TBC1D22A: variants seen among roughly 807,000 people sequenced by gnomAD.
TBC1D22A encodes putative GTPase activator.
A neutral mutation model predicts 60.2 loss-of-function variants in TBC1D22A; 38 were observed. The ratio of observed to expected loss-of-function variants is 0.63; its 90% CI spans 0.49 to 0.83. The LOEUF is 0.83. Among genes scored for constraint, TBC1D22A ranks in the 40% least tolerant of loss-of-function variants. TBC1D22A has a pLI of 0.00. For missense variants in TBC1D22A, 628 were observed against 701.0 expected, an observed-to-expected ratio of 0.90 and a Z score of 1.18; for synonymous variants, 302 against 281.7, an observed-to-expected ratio of 1.07 and a Z score of -0.72.
intron 8 of TBC1D22A, among the ~76,000 whole-genome samples, chr22:46,922,040 CT>C (rs2070787807): frequency 6.6e-6 from 1 of 152,158 alleles, no homozygotes; most frequent in Non-Finnish European, 1.5e-5. Context: ...ACATGTAAGT[CT>C]TTAATCTATC....
At chr22:46,917,039 T>G (rs1418174413) in intron 8 of TBC1D22A, among the ~76,000 whole-genome samples, 1 of 152,218 alleles carries the variant, frequency 6.6e-6, no homozygotes, top group Non-Finnish European at 1.5e-5. Context: ...GCGTGCGTGC[T>G]TGTTCTTGCA....
At chr22:47,150,085 T>C (rs2067443787) in intron 12 of TBC1D22A, among the ~76,000 whole-genome samples, 1 of 151,996 alleles carries the variant, frequency 6.6e-6, no homozygotes, top group Admixed American at 6.6e-5. Flanking sequence ...GTCTATAAAA[T>C]GAGTGGACTG....
chr22:47,086,817 A>G (rs2064712070), intron 11 of TBC1D22A, among the ~76,000 whole-genome samples: 2 of 152,192 alleles, frequency 1.3e-5, no homozygotes, highest in African/African-American at 2.4e-5. Flanking sequence ...ACACTCTAGC[A>G]AGTAGCATAT....
chr22:46,765,803 A>G (rs1188805610), intron 1 of TBC1D22A, among the ~76,000 whole-genome samples: 2 of 131,924 alleles, frequency 1.5e-5, no homozygotes, highest in African/African-American at 2.9e-5. Flanking sequence ...TTTCTGAGAC[A>G]AGAGTCTCTC....
intron 1 of TBC1D22A, among the ~76,000 whole-genome samples, chr22:46,790,650 TA>T (rs796956656): frequency 0.016 from 2,358 of 144,688 alleles, 54 homozygotes; most frequent in African/African-American, 0.042. Context: ...ATGAACAAAA[TA>T]AAAAAAAAAA....
In TBC1D22A at chr22:46,793,654, C is replaced by A; in HGVS notation, c.273C>A (p.Ser91=). The A allele has an allele frequency of 6.2e-7, 1 of 1,613,552 alleles. No individual in the cohort carries two copies. The highest frequency in any genetic ancestry group is 8.5e-7 in the Non-Finnish European group (1 of 1,180,024). ...CCATGGCGGCGGAGAGCCTGAACTC[C>A]GAGGTGGTCATGGAGACGGCCAACC... ...LLAMAAESLN[S]EVVMETANRV... is the part of the protein sequence containing the mutation. Residue 91 remains serine (S), a synonymous_variant, in exon 3 of 13, where the codon TCC becomes TCA. Coordinates refer to ENST00000337137, the MANE Select transcript of TBC1D22A (RefSeq NM_014346.5).
intron 4 of TBC1D22A, among the ~76,000 whole-genome samples, chr22:46,812,942 C>G (rs539814659): frequency 7.2e-5 from 11 of 152,188 alleles, no homozygotes; most frequent in African/African-American, 2.6e-4. Context: ...CGTGTACGGT[C>G]TCTTTCCTGT....
chr22:46,782,615 G>A (rs894539930), intron 1 of TBC1D22A, among the ~76,000 whole-genome samples: 12 of 152,156 alleles, frequency 7.9e-5, no homozygotes, highest in Admixed American at 3.3e-4. Context: ...AGAGAGCAAC[G>A]CTGTACCTGT....
intron 11 of TBC1D22A, among the ~76,000 whole-genome samples, chr22:47,041,668 C>G (rs1292801646): frequency 2.0e-5 from 3 of 152,206 alleles, no homozygotes; most frequent in Admixed American, 2.0e-4. Context: ...AGCTGTGCAT[C>G]CCTGGGCGAG....
chr22:47,133,754 C>G (rs1206415878), intron 12 of TBC1D22A, among the ~76,000 whole-genome samples: 1 of 152,200 alleles, frequency 6.6e-6, no homozygotes, highest in Non-Finnish European at 1.5e-5. Flanking sequence ...TGGTGTGGCC[C>G]TGTGCCTGCG....
chr22:46,812,809 A>G (rs537527637), intron 4 of TBC1D22A, among the ~76,000 whole-genome samples: 4 of 152,346 alleles, frequency 2.6e-5, no homozygotes, highest in South Asian at 4.1e-4. Flanking sequence ...ACGTTTCCTA[A>G]TCCTCGTAAG....
intron 7 of TBC1D22A, among the ~76,000 whole-genome samples, chr22:46,900,566 C>G (rs113891715): frequency 0.016 from 2,420 of 152,322 alleles, 67 homozygotes; most frequent in African/African-American, 0.055. Context: ...CACCCTTGCA[C>G]TTGACAACTG....
chr22:46,829,195 T>G (rs1156654534), intron 4 of TBC1D22A, among the ~76,000 whole-genome samples: 1 of 152,230 alleles, frequency 6.6e-6, no homozygotes, highest in African/African-American at 2.4e-5. Context: ...CAAAATTAAT[T>G]GTGCAGTAAT....
chr22:46,908,246 G>A (rs1001931026), intron 7 of TBC1D22A, among the ~76,000 whole-genome samples: 1 of 152,198 alleles, frequency 6.6e-6, no homozygotes, highest in Non-Finnish European at 1.5e-5. Context: ...GGAGTCGGGG[G>A]AAGGGGCTGG....
intron 12 of TBC1D22A, among the ~76,000 whole-genome samples, chr22:47,146,325 C>A (rs1397440791): frequency 6.6e-6 from 1 of 152,324 alleles, no homozygotes; most frequent in East Asian, 1.9e-4. Context: ...TTGATGAACT[C>A]TCTCTCTCCC....
chr22:47,004,919 CAT>C (rs1228362806), intron 10 of TBC1D22A, among the ~76,000 whole-genome samples: 1 of 151,870 alleles, frequency 6.6e-6, no homozygotes, highest in Non-Finnish European at 1.5e-5. Flanking sequence ...GCCATATACA[CAT>C]ACACCTACAT....
rs1049555309 is a variant in TBC1D22A, at chr22:47,009,828, C to T, written c.1201+12119C>T. Among the ~76,000 whole-genome samples the T allele has an allele frequency of 2.6e-5, 4 of 152,210 alleles. No homozygotes were observed. Among genetic ancestry groups the T allele is most frequent in the African/African-American group, 4.8e-5 (2 of 41,454 alleles). ...AGTCTGAAGGCCTCTGCTTCTCCCACGTTGGACCTTGTTGAGCTGCCAAGG... is the reference window on the plus strand; with the variant it reads ...AGTCTGAAGGCCTCTGCTTCTCCCATGTTGGACCTTGTTGAGCTGCCAAGG... On this transcript the variant is annotated intron_variant, in intron 10 of 12. Transcript: ENST00000337137. The surrounding 1 kb of genome is among the most constrained non-coding windows in gnomAD (Gnocchi z 5.8).
At chr22:47,012,345 A>G (rs1297456146) in intron 10 of TBC1D22A, among the ~76,000 whole-genome samples, 1 of 152,136 alleles carries the variant, frequency 6.6e-6, no homozygotes, top group East Asian at 1.9e-4. Context: ...CCCCTGAGCC[A>G]TTAAAACCCA....
At chr22:46,841,882 G>A (rs1203865127) in intron 4 of TBC1D22A, among the ~76,000 whole-genome samples, 1 of 152,190 alleles carries the variant, frequency 6.6e-6, no homozygotes, top group Admixed American at 6.5e-5. Flanking sequence ...GTGAGGTGAA[G>A]GATATAATTA....
Sources: gnomAD v4.1 joint callset for allele counts (sites outside exome capture counted in the v4.1 genomes callset) on GRCh38, gnomAD v4.1.1 for gene constraint, Gnocchi (gnomAD v3.1) non-coding constraint, MANE v1.5 for transcripts, NCBI Gene and HGNC (gene_info 2026-07-23, HGNC 2026-07-21) for gene names.